The following TAFA5 variants were observed in gnomAD, a reference collection of about 807,000 sequenced individuals.
TAFA5 encodes the protein TAFA chemokine like family member 5.
TAFA5 carries 6 observed loss-of-function variants against 15.3 expected under a neutral mutation model. The ratio of observed to expected loss-of-function variants is 0.39; its 90% CI spans 0.21 to 0.77. TAFA5 has a LOEUF of 0.77. Among genes scored for constraint, TAFA5 ranks in the 30% least tolerant of loss-of-function variants. The probability of loss-of-function intolerance (pLI) is 0.41; values close to 1 mark genes in which losing one functional copy is unlikely to be tolerated. For synonymous variants in TAFA5, 103 were observed against 80.7 expected (o/e 1.28, Z -1.48); for missense variants, 161 against 193.1 (o/e 0.83, Z 0.98).
At chr22:48,635,654 G>A (rs1314991449) in intron 1 of TAFA5, among the ~76,000 whole-genome samples, 3 of 152,210 alleles carry the variant, frequency 2.0e-5, no homozygotes, top group Non-Finnish European at 4.4e-5. Context: ...GTCCTGGCCT[G>A]GTTCCTCCTG....
chr22:48,559,064 G>GC (rs1433345641), intron 1 of TAFA5, among the ~76,000 whole-genome samples: 2 of 152,322 alleles, frequency 1.3e-5, no homozygotes, highest in African/African-American at 2.4e-5. Flanking sequence ...TGAGGGAGGT[G>GC]CCCCCTCCCT....
chr22:48,711,879 G>A (rs541232053), intron 3 of TAFA5, among the ~76,000 whole-genome samples: 8 of 152,312 alleles, frequency 5.3e-5, no homozygotes, highest in Admixed American at 2.0e-4. Flanking sequence ...GGCCGTTGCC[G>A]TTTACTTCTC....
intron 3 of TAFA5, among the ~76,000 whole-genome samples, chr22:48,720,987 G>A (rs963121589): frequency 1.3e-5 from 2 of 152,174 alleles, no homozygotes; most frequent in African/African-American, 2.4e-5. Context: ...GAAGACCCCG[G>A]ATGAGGAACC....
chr22:48,543,673 G>A (rs1333610373), intron 1 of TAFA5: 1 of 152,606 alleles, frequency 6.6e-6, no homozygotes. Flanking sequence ...CAACTTCCTG[G>A]GGGACTGTGT....
At chr22:48,690,257 TG>T (rs2147237342) in intron 2 of TAFA5, among the ~76,000 whole-genome samples, 1 of 152,278 alleles carries the variant, frequency 6.6e-6, no homozygotes, top group Non-Finnish European at 1.5e-5. Context: ...AATGACCCCT[TG>T]GCCCAGGTGG....
At chr22:48,541,640 G>C (rs1213466952) in intron 1 of TAFA5, among the ~76,000 whole-genome samples, 2 of 152,098 alleles carry the variant, frequency 1.3e-5, no homozygotes, top group East Asian at 1.9e-4. Context: ...GGGAGGCCAG[G>C]GTGGGAGGCC....
chr22:48,675,024 C>G (rs1430519088), intron 2 of TAFA5, among the ~76,000 whole-genome samples: 1 of 151,902 alleles, frequency 6.6e-6, no homozygotes, highest in Admixed American at 6.6e-5. Flanking sequence ...TCACTGCACC[C>G]TCCGCCTCCT....
chr22:48,505,122 C>G (rs537757650), intron 1 of TAFA5, among the ~76,000 whole-genome samples: 80 of 152,336 alleles, frequency 5.3e-4, no homozygotes, highest in African/African-American at 1.8e-3. Flanking sequence ...GCTGTGGGGC[C>G]TCCTGGGAGA....
chr22:48,608,817 G>A (rs1486506793), intron 1 of TAFA5, among the ~76,000 whole-genome samples: 1 of 152,172 alleles, frequency 6.6e-6, no homozygotes, highest in African/African-American at 2.4e-5. Context: ...TCCAACAGAG[G>A]GCAGGCACCC....
At chr22:48,741,613 G>A (rs564245011) in intron 3 of TAFA5, among the ~76,000 whole-genome samples, 2 of 152,328 alleles carry the variant, frequency 1.3e-5, no homozygotes, top group South Asian at 2.1e-4. Flanking sequence ...CCAGGGTCCT[G>A]ATTCAAGAGA....
At chr22:48,696,995 G>A (rs1928732544) in intron 2 of TAFA5, among the ~76,000 whole-genome samples, 2 of 152,214 alleles carry the variant, frequency 1.3e-5, no homozygotes, top group Admixed American at 1.3e-4. Flanking sequence ...TGGGTTAGAT[G>A]AGAAACCAGG....
chr22:48,706,956 A>T (rs1439941592), intron 2 of TAFA5, among the ~76,000 whole-genome samples: 1 of 152,190 alleles, frequency 6.6e-6, no homozygotes, highest in Non-Finnish European at 1.5e-5. Context: ...GGGAAGAGAG[A>T]AAATGCAATT....
Position 48,629,318 on chromosome 22 carries a change from C to T in TAFA5, c.113-17279C>T, listed in dbSNP as rs563239391. On this transcript the variant is annotated intron_variant, in intron 1 of 3. Transcript: ENST00000402357. The stretch of plus-strand genomic sequence containing the variant: ...TCCTCCGGCTCAGGAAGGACAGAGG[C>T]GGAACAACCCAGCGGCCCCTCCTCG... Among the ~76,000 whole-genome samples, 676 of 152,188 alleles carry T rather than the reference C, an allele frequency of 4.4e-3. 1 individual carries two copies. Among genetic ancestry groups the T allele is most frequent in the African/African-American group, 0.014 (593 of 41,530 alleles).
intron 1 of TAFA5, among the ~76,000 whole-genome samples, chr22:48,525,376 C>A (rs144943168): frequency 0.024 from 3,701 of 152,276 alleles, 55 homozygotes; most frequent in Non-Finnish European, 0.036. Flanking sequence ...CCACACCCCA[C>A]CCTCACCCCG....
At chr22:48,596,932 T>C (rs915014820) in intron 1 of TAFA5, among the ~76,000 whole-genome samples, 1 of 152,218 alleles carries the variant, frequency 6.6e-6, no homozygotes, top group Non-Finnish European at 1.5e-5. Context: ...TCAAGCCTCC[T>C]GAGTAGCTGG....
chr22:48,584,009 ACCACACACCACACG>A (rs917775135), intron 1 of TAFA5, among the ~76,000 whole-genome samples: 21 of 100,746 alleles, frequency 2.1e-4, no homozygotes, highest in Admixed American at 4.3e-4. Flanking sequence ...CATATAACAC[ACCACACACCACACG>A]CCACACACCA....
intron 1 of TAFA5, among the ~76,000 whole-genome samples, chr22:48,575,938 A>C (rs1923765434): frequency 7.6e-6 from 1 of 131,834 alleles, no homozygotes. Context: ...CGGGCGGCGG[A>C]GGAGGCGGCG....
At chr22:48,595,203 C>T (rs1039076432) in intron 1 of TAFA5, among the ~76,000 whole-genome samples, 14 of 152,326 alleles carry the variant, frequency 9.2e-5, no homozygotes, top group African/African-American at 3.1e-4. Context: ...AGTTCCCTTC[C>T]CACCTACTCA....
At chr22:48,689,909 C>T (rs895452380) in intron 2 of TAFA5, among the ~76,000 whole-genome samples, 2 of 152,138 alleles carry the variant, frequency 1.3e-5, no homozygotes, top group African/African-American at 4.8e-5. Context: ...GTCCTTGCTG[C>T]CCCCAGGAGC....
Sources: gnomAD v4.1 joint callset for allele counts (sites outside exome capture counted in the v4.1 genomes callset) on GRCh38, gnomAD v4.1.1 for gene constraint, MANE v1.5 for transcripts, NCBI Gene and HGNC (gene_info 2026-07-23, HGNC 2026-07-21) for gene names.